TIAM1: variants seen among roughly 807,000 people sequenced by gnomAD.
The protein encoded by TIAM1 is TIAM Rac1 associated GEF 1.
TIAM1 carries 65 observed loss-of-function variants against 163.5 expected under a neutral mutation model. The ratio of observed to expected loss-of-function variants is 0.40; its 90% CI spans 0.33 to 0.49. The LOEUF (loss-of-function observed/expected upper bound fraction) is 0.49. Ranked by LOEUF, TIAM1 falls within the 20% of genes least tolerant of loss-of-function variation. The probability of loss-of-function intolerance (pLI) is 0.77; values close to 1 mark genes in which losing one functional copy is unlikely to be tolerated. For missense variants in TIAM1, 1,789 were observed against 2,044.7 expected (o/e 0.87, Z 2.41); for synonymous variants, 833 against 810.1 (o/e 1.03, Z -0.48).
At chr21:31,290,659 A>C (rs1434633082) in intron 2 of TIAM1, among the ~76,000 whole-genome samples, 1 of 110,910 alleles carries the variant, frequency 9.0e-6, no homozygotes, top group Non-Finnish European at 1.9e-5. Flanking sequence ...AAAAAAAAAA[A>C]AAAAAAAAAA....
chr21:31,458,344 C>T (rs899980663), intron 2 of TIAM1, among the ~76,000 whole-genome samples: 2 of 151,630 alleles, frequency 1.3e-5, no homozygotes, highest in East Asian at 1.9e-4. Flanking sequence ...CGCTTGAACC[C>T]GGGAGACGGA....
intron 1 of TIAM1, among the ~76,000 whole-genome samples, chr21:31,486,220 A>G (rs569467216): frequency 6.6e-6 from 1 of 152,220 alleles, no homozygotes; most frequent in African/African-American, 2.4e-5. Context: ...GCCATCCAGC[A>G]CTGGAACGCA....
intron 2 of TIAM1, among the ~76,000 whole-genome samples, chr21:31,452,005 T>A (rs991121020): frequency 1.3e-5 from 2 of 152,096 alleles, no homozygotes; most frequent in African/African-American, 4.8e-5. Context: ...GGGAAAACAG[T>A]AAGTTTGGGT....
chr21:31,301,926 AAAAT>A (rs1338831803), intron 2 of TIAM1, among the ~76,000 whole-genome samples: 2 of 149,576 alleles, frequency 1.3e-5, no homozygotes, highest in African/African-American at 4.9e-5. Context: ...TGTAATAAAT[AAAAT>A]ATATATGTAA....
chr21:31,446,744 C>G (rs2044639383), intron 2 of TIAM1, among the ~76,000 whole-genome samples: 1 of 152,206 alleles, frequency 6.6e-6, no homozygotes, highest in Non-Finnish European at 1.5e-5. Context: ...GGGCCACGCT[C>G]AGCCAACCCA....
chr21:31,184,267 A>G (rs756624809), intron 14 of TIAM1, among the ~76,000 whole-genome samples: 7 of 151,932 alleles, frequency 4.6e-5, no homozygotes, highest in Non-Finnish European at 7.4e-5. Context: ...CACCATGCCC[A>G]GCTAATTTTT....
chr21:31,299,452 G>C (rs1601876695), intron 2 of TIAM1, among the ~76,000 whole-genome samples: 2 of 152,152 alleles, frequency 1.3e-5, no homozygotes, highest in South Asian at 4.1e-4. Flanking sequence ...TGTTTGTTAC[G>C]TATGTTCAAT....
intron 27 of TIAM1, among the ~76,000 whole-genome samples, chr21:31,121,709 G>A (rs1461382150): frequency 6.6e-6 from 1 of 152,164 alleles, no homozygotes; most frequent in East Asian, 1.9e-4. Context: ...ACAAAGTGCT[G>A]TATAAAGTGA....
At chr21:31,507,734 A>G (rs1168260933) in intron 1 of TIAM1, among the ~76,000 whole-genome samples, 1 of 152,180 alleles carries the variant, frequency 6.6e-6, no homozygotes, top group Non-Finnish European at 1.5e-5. Context: ...ACAGGCAGCT[A>G]TCTGGAGCAG....
At chr21:31,201,358 G>T (rs1158587796) in intron 12 of TIAM1, among the ~76,000 whole-genome samples, 1 of 152,170 alleles carries the variant, frequency 6.6e-6, no homozygotes, top group Non-Finnish European at 1.5e-5. Context: ...TGATTTAAGT[G>T]ATAGTTGGAA....
chr21:31,195,243 A>G lies in TIAM1; in HGVS notation c.2556T>C (p.Asp852=), dbSNP rs1485410275. The G allele has an allele frequency of 1.2e-6, 2 of 1,613,246 alleles. No individual in the cohort carries two copies. The highest frequency in any genetic ancestry group is 2.7e-5 in the African/African-American group (2 of 74,914). The change falls in exon 13 of 28, where the codon GAT becomes GAC. Residue 852 remains aspartate (D), a synonymous_variant. Transcript: ENST00000541036. ...VTQSIHIEKS[D]TAADTYGFSL... is the part of the protein sequence containing the mutation. Reference sequence around the variant, plus strand: ...ACTTACCGTAAGTATCAGCAGCTGTATCTGACTTCTCAATGTGGATGCTCT... The same window carrying G: ...ACTTACCGTAAGTATCAGCAGCTGTGTCTGACTTCTCAATGTGGATGCTCT...
At chr21:31,315,878 G>C (rs2075106448) in intron 2 of TIAM1, among the ~76,000 whole-genome samples, 1 of 151,966 alleles carries the variant, frequency 6.6e-6, no homozygotes, top group African/African-American at 2.4e-5. Flanking sequence ...TCAGGAGGCT[G>C]AGGCAGGAGA....
At chr21:31,429,611 G>C (rs1161433162) in intron 2 of TIAM1, among the ~76,000 whole-genome samples, 7 of 152,112 alleles carry the variant, frequency 4.6e-5, no homozygotes, top group Non-Finnish European at 1.0e-4. Context: ...GGGGGAGTTT[G>C]CACAGTATGT....
At chr21:31,157,891 C>T (rs988775751) in intron 16 of TIAM1, among the ~76,000 whole-genome samples, 12 of 152,124 alleles carry the variant, frequency 7.9e-5, no homozygotes, top group Non-Finnish European at 2.9e-5. Flanking sequence ...TGTGTGAAAT[C>T]GTGATTCACG....
chr21:31,278,500 G>A (rs1056716649), intron 2 of TIAM1, among the ~76,000 whole-genome samples: 1 of 152,182 alleles, frequency 6.6e-6, no homozygotes, highest in Non-Finnish European at 1.5e-5. Flanking sequence ...CATTCCCCTG[G>A]GGCTGCCCGC....
intron 11 of TIAM1, among the ~76,000 whole-genome samples, 199 bp from the exon 12 acceptor site, chr21:31,203,211 C>G (rs1050259775): frequency 3.3e-5 from 5 of 152,186 alleles, no homozygotes; most frequent in Admixed American, 6.5e-5. Context: ...CAACCTTCGC[C>G]TCCTGGGTTC....
At chr21:31,255,025 T>C (rs1481450131) in intron 4 of TIAM1, among the ~76,000 whole-genome samples, 1 of 152,098 alleles carries the variant, frequency 6.6e-6, no homozygotes, top group Non-Finnish European at 1.5e-5. Flanking sequence ...CACCTCTGTA[T>C]AAGACCTGAA....
At chr21:31,153,281 T>G (rs2083463689) in intron 17 of TIAM1, 147 bp from the exon 18 acceptor site, 1 of 621,482 alleles carries the variant, frequency 1.6e-6, no homozygotes, top group African/African-American at 1.9e-5. Flanking sequence ...GTTAGAGACT[T>G]TAGGTCGTTA....
intron 1 of TIAM1, among the ~76,000 whole-genome samples, chr21:31,531,312 A>C (rs2833437): frequency 0.22 from 32,769 of 152,174 alleles, 3,753 homozygotes; most frequent in African/African-American, 0.26. Flanking sequence ...GGGTTGGCCC[A>C]GGTCCAAGGC....
Sources: gnomAD v4.1 joint callset for allele counts (sites outside exome capture counted in the v4.1 genomes callset) on GRCh38, gnomAD v4.1.1 for gene constraint, MANE v1.5 for transcripts, NCBI Gene and HGNC (gene_info 2026-07-23, HGNC 2026-07-21) for gene names.